DPPA2: variants seen among roughly 807,000 people sequenced by gnomAD.
DPPA2 encodes the protein developmental pluripotency associated 2.
A neutral mutation model predicts 36.2 loss-of-function variants in DPPA2; 26 were observed. The ratio of observed to expected loss-of-function variants is 0.72; its 90% CI spans 0.53 to 1.00. The LOEUF is 1.00. Among genes scored for constraint, DPPA2 ranks in the 50% least tolerant of loss-of-function variants. The pLI, the probability that DPPA2 is intolerant of heterozygous loss-of-function variation, is 0.00. For missense variants in DPPA2, 361 were observed against 365.1 expected (o/e 0.99, Z 0.09); for synonymous variants, 113 against 123.2 (o/e 0.92, Z 0.55).
At chr3:109,303,896 G>C (rs550809053) in intron 7 of DPPA2, among the ~76,000 whole-genome samples, 1 of 151,866 alleles carries the variant, frequency 6.6e-6, no homozygotes, top group Non-Finnish European at 1.5e-5. Flanking sequence ...CAGTACTTTG[G>C]GAGGCCGAGT....
chr3:109,309,317 T>C lies in DPPA2; in HGVS notation c.195A>G (p.Gln65=), dbSNP rs1707652122. ...GTGGAGCTGTAAATTGCTCATTTGT[T>C]TGAAGTAGATGACCTAAGACAAGAA... is the stretch of plus-strand genomic sequence containing the variant. ...PKKYNPGHLL[Q]TNEQFTAPQK... is the part of the protein sequence containing the mutation. The change falls in exon 4 of 9, where the codon CAA becomes CAG. Residue 65 remains glutamine (Q), a synonymous_variant. Transcript: ENST00000478945. 1.2e-6 allele frequency: 2 copies of C among 1,614,056 alleles called. No individual in the cohort carries two copies. The highest frequency in any genetic ancestry group is 2.7e-5 in the African/African-American group (2 of 75,054).
At chr3:109,311,905 G>A (rs573858718) in intron 3 of DPPA2, among the ~76,000 whole-genome samples, 15 of 152,242 alleles carry the variant, frequency 9.9e-5, no homozygotes, top group South Asian at 4.2e-4. Context: ...TTTAATCTTC[G>A]TAGGAGGCAA....
rs1433697278 is a variant in DPPA2 at position 109,314,560 on chromosome 3, G to C, written c.-13-5C>G. On this transcript the variant is annotated splice_region_variant and splice_polypyrimidine_tract_variant and intron_variant, in intron 1 of 8. Transcript: ENST00000478945. ...TCTGACATTTTCAGCAACACCCTGG[G>C]GAAGGCAAGGACAGCAATGTTAAGG... The C allele has an allele frequency of 5.6e-6, 9 of 1,607,940 alleles. No individual in the cohort carries two copies. The highest frequency in any genetic ancestry group is 7.7e-6 in the Non-Finnish European group (9 of 1,175,866).
chr3:109,303,477 C>T (rs1707495575), intron 7 of DPPA2, among the ~76,000 whole-genome samples: 1 of 151,522 alleles, frequency 6.6e-6, no homozygotes. Flanking sequence ...TTCAGCGATT[C>T]TTCTGCCTCA....
At chr3:109,311,851 C>T (rs920732119) in intron 3 of DPPA2, among the ~76,000 whole-genome samples, 3 of 152,078 alleles carry the variant, frequency 2.0e-5, no homozygotes, top group Non-Finnish European at 2.9e-5. Context: ...AGCTGCTATT[C>T]GTAATTACTT....
intron 2 of DPPA2, among the ~76,000 whole-genome samples, chr3:109,313,224 T>A (rs1021879900): frequency 6.6e-6 from 1 of 152,218 alleles, no homozygotes; most frequent in African/African-American, 2.4e-5. Context: ...ATGACAAAAC[T>A]CAAATTAGCT....
At chr3:109,294,382 T>C (rs572594022) in intron 8 of DPPA2, among the ~76,000 whole-genome samples, 6 of 152,332 alleles carry the variant, frequency 3.9e-5, no homozygotes, top group Non-Finnish European at 5.9e-5. Context: ...TCAACTGGGA[T>C]GGCTTCCATG....
At position 109,308,920 on chromosome 3, in the gene DPPA2, G is replaced by T. The variant is rs979172488; in HGVS notation, c.396+106C>A. 5 of 1,372,470 alleles carry T rather than the reference G, an allele frequency of 3.6e-6. No individual in the cohort carries two copies. The African/African-American group carries it at 7.3e-5, about 20-fold the overall frequency. 85.0% of individuals were successfully genotyped at this position (1,372,470 alleles called of 1,614,324 possible). A position where few individuals can be genotyped will look rare whatever the true frequency, so the allele number is the denominator to read the frequency against. ...GAAATATCAATAATGCCACAGTGAA[G>T]AAACCCTGCCTTAGAGGTACAACAC... On this transcript the variant is annotated intron_variant, in intron 5 of 8. Transcript: ENST00000478945.
At chr3:109,314,040 A>G (rs933325594) in intron 2 of DPPA2, among the ~76,000 whole-genome samples, 1 of 152,140 alleles carries the variant, frequency 6.6e-6, no homozygotes, top group African/African-American at 2.4e-5. Context: ...CTGGGAGTAG[A>G]TATTTCCTAC....
chr3:109,312,944 T>G (rs1707735852), intron 2 of DPPA2, among the ~76,000 whole-genome samples: 1 of 152,084 alleles, frequency 6.6e-6, no homozygotes, highest in Admixed American at 6.6e-5. Flanking sequence ...AGGGCTTGGG[T>G]TTAGAGAATT....
At position 109,312,660 on chromosome 3, in the gene DPPA2, T is replaced by C. The variant is rs1707731602; in HGVS notation, c.66A>G (p.Glu22=). ...CTGGCACCAGTGTCAAAATCACACT[T>C]TCCTCATCATCTACTTCCCCCTCCA... ...NFLEGEVDDE[E]SVILTLVPVK... Residue 22 remains glutamate (E), a synonymous_variant, in exon 3 of 9, where the codon GAA becomes GAG. Transcript: ENST00000478945. 5 of 1,613,928 alleles carry C rather than the reference T, an allele frequency of 3.1e-6. No homozygotes were observed. The highest frequency in any genetic ancestry group is 4.2e-6 in the Non-Finnish European group (5 of 1,179,840).
rs1707782481 is a variant in DPPA2, at chr3:109,316,266, T to A, written c.-14+18A>T. 1 of 152,058 alleles carries A rather than the reference T, an allele frequency of 6.6e-6. No individual in the cohort carries two copies. The highest frequency in any genetic ancestry group is 2.4e-5 in the African/African-American group (1 of 41,294). 9.4% of individuals were successfully genotyped at this position (152,058 alleles called of 1,614,324 possible). ...CACCACGCCCCGCTAATATTTAAAT[T>A]TTTTGTAGAGAGGAGACCTGGGATG... On this transcript the variant is annotated intron_variant, in intron 1 of 8. Coordinates refer to ENST00000478945, the MANE Select transcript of DPPA2 (RefSeq NM_138815.4).
chr3:109,308,287 G>A lies in DPPA2; in HGVS notation c.403C>T (p.Pro135Ser), dbSNP rs1307516301. 1 of 1,614,010 alleles carries A rather than the reference G, an allele frequency of 6.2e-7. No homozygotes were observed. Among genetic ancestry groups the A allele is most frequent in the Non-Finnish European group, 8.5e-7 (1 of 1,179,968 alleles). ...AATCTGGTCTCTTGTGACATTTCAG[G>A]CATATCCTGCAAATGAAATTCACGA... ...HAYPEQRQDMPEMSQETRLQR... is the reference protein window; with the variant it reads ...HAYPEQRQDMSEMSQETRLQR... The change falls in exon 6 of 9, where the codon CCT becomes TCT. Residue 135 changes from proline to serine, a missense_variant. Pro to Ser is a moderately conservative substitution (Grantham distance 74). Transcript: ENST00000478945.
chr3:109,302,302 C>T (rs550758895), intron 7 of DPPA2, among the ~76,000 whole-genome samples: 16 of 152,302 alleles, frequency 1.1e-4, no homozygotes, highest in African/African-American at 3.9e-4. Flanking sequence ...ATGTTTCCTC[C>T]ACTTCTAAGA....
At chr3:109,301,818 C>G (rs538936224) in intron 7 of DPPA2, among the ~76,000 whole-genome samples, 25 of 152,272 alleles carry the variant, frequency 1.6e-4, no homozygotes, top group Middle Eastern at 3.4e-3. Context: ...ACTAACTGCT[C>G]TCTCTTCCTG....
intron 1 of DPPA2, 64 bp from the exon 2 acceptor site, chr3:109,314,619 C>T: frequency 4.1e-6 from 6 of 1,464,152 alleles, no homozygotes; most frequent in Non-Finnish European, 4.7e-6. Flanking sequence ...CCTGCTTTCT[C>T]CTTTTATAAG....
intron 6 of DPPA2, among the ~76,000 whole-genome samples, chr3:109,306,697 AG>A (rs1707571302): frequency 6.6e-6 from 1 of 151,612 alleles, no homozygotes; most frequent in Non-Finnish European, 1.5e-5. Flanking sequence ...CAGGCGCGGT[AG>A]CTCACGCCTG....
intron 3 of DPPA2, among the ~76,000 whole-genome samples, chr3:109,310,129 G>GA (rs1707671997): frequency 6.6e-6 from 1 of 151,412 alleles, no homozygotes; most frequent in African/African-American, 2.4e-5. Context: ...TAGGGAGGCT[G>GA]AGGCAGGAGA....
chr3:109,303,613 C>G (rs1013272774), intron 7 of DPPA2, among the ~76,000 whole-genome samples: 1 of 151,932 alleles, frequency 6.6e-6, no homozygotes, highest in Non-Finnish European at 1.5e-5. Context: ...AGGTGATCCG[C>G]CCGCCTCGGC....
Sources: gnomAD v4.1 joint callset for allele counts (sites outside exome capture counted in the v4.1 genomes callset) on GRCh38, gnomAD v4.1.1 for gene constraint, MANE v1.5 for transcripts, NCBI Gene and HGNC (gene_info 2026-07-23, HGNC 2026-07-21) for gene names.